Variants in LPCAT3 observed in about 807,000 individuals in gnomAD.
LPCAT3 encodes lysophospholipid acyltransferase 5.
A neutral mutation model predicts 63.4 loss-of-function variants in LPCAT3; 21 were observed. The observed-to-expected ratio is 0.33, with a 90% CI of 0.23 to 0.48. LPCAT3 has a LOEUF of 0.48. LPCAT3 is among the 20% of genes least tolerant of loss of function. The pLI is 0.99. For synonymous variants in LPCAT3, 242 were observed against 227.5 expected, an observed-to-expected ratio of 1.06 and a Z score of -0.58; for missense variants, 451 against 590.6, an observed-to-expected ratio of 0.76 and a Z score of 2.45.
At chr12:7,007,550 A>G (rs781818935) in intron 1 of LPCAT3, among the ~76,000 whole-genome samples, 65 of 140,486 alleles carry the variant, frequency 4.6e-4, no homozygotes, top group African/African-American at 1.6e-3. Context: ...GCTGGAGTGC[A>G]ATGGTACGAT....
At chr12:6,996,508 T>C (rs143052648) in intron 1 of LPCAT3, among the ~76,000 whole-genome samples, 15 of 152,324 alleles carry the variant, frequency 9.8e-5, no homozygotes, top group Admixed American at 9.2e-4. Context: ...TCATCTACTT[T>C]AGTCCCTACC....
At chr12:6,980,936 T>C in intron 6 of LPCAT3, 68 bp downstream of exon 6, 1 of 1,290,850 alleles carries the variant, frequency 7.7e-7, no homozygotes, top group Non-Finnish European at 1.1e-6. Context: ...AGAATGCAGC[T>C]TTCAGAAGAG....
rs782200377 is a variant in LPCAT3 at position 7,018,432 on chromosome 12, C to G, written c.-8G>C. 14 of 1,594,794 alleles carry G rather than the reference C, an allele frequency of 8.8e-6. No homozygotes were observed. Among genetic ancestry groups the G allele is most frequent in the Non-Finnish European group, 1.2e-5 (14 of 1,169,478 alleles). ...CTCCGCTGAGGACGCCATCTTAACTCCGGGAGCCCCACAGGGACCCCCCAG... is the reference window on the plus strand; with the variant it reads ...CTCCGCTGAGGACGCCATCTTAACTGCGGGAGCCCCACAGGGACCCCCCAG... On this transcript the variant is annotated 5_prime_UTR_variant, in exon 1 of 13. Coordinates refer to ENST00000261407, the MANE Select transcript of LPCAT3 (RefSeq NM_005768.6). The surrounding 1 kb of genome is among the most constrained non-coding windows in gnomAD (Gnocchi z 4.9).
In LPCAT3 at chr12:7,018,194, G is replaced by A; in HGVS notation, c.151+80C>T. ...CAGCCCTCCCGGGTGGCTCCGGGAA[G>A]AGAGGGAGGTCCTGTCCCCATTCCT... On this transcript the variant is annotated intron_variant, in intron 1 of 12. Transcript: ENST00000261407. The surrounding 1 kb of genome is among the most constrained non-coding windows in gnomAD (Gnocchi z 4.9). 1.3e-6 allele frequency: 2 copies of A among 1,521,616 alleles called. No homozygotes were observed. Among genetic ancestry groups the A allele is most frequent in the Non-Finnish European group, 8.9e-7 (1 of 1,121,842 alleles). 94.3% of individuals were successfully genotyped at this position (1,521,616 alleles called of 1,614,324 possible).
Position 6,977,388 on chromosome 12 carries a change from G to A in LPCAT3, c.1326C>T (p.Phe442=), listed in dbSNP as rs781908140. 6.2e-7 allele frequency: 1 copy of A among 1,614,238 alleles called. No individual in the cohort carries two copies. Among genetic ancestry groups the A allele is most frequent in the Admixed American group, 1.7e-5 (1 of 60,028 alleles). ...MGYSMTAFCL[F]TWDKWLKVYK... is the part of the protein sequence containing the mutation. ...TTGCCTTAAGCCATTTGTCCCACGT[G>A]AAGAGGCAGAAGGCAGTCATGGAGT... Residue 442 remains phenylalanine, a synonymous_variant, in exon 11 of 13, where the codon TTC becomes TTT. Transcript: ENST00000261407. This position sits in a 1 kb window ranked among gnomAD's most constrained non-coding sequence, Gnocchi z 4.5.
intron 1 of LPCAT3, among the ~76,000 whole-genome samples, chr12:6,984,421 C>G (rs1377825791): frequency 2.0e-5 from 3 of 152,198 alleles, no homozygotes; most frequent in African/African-American, 2.4e-5. Flanking sequence ...CTTCAGTGTT[C>G]TATCTAGAGG....
chr12:6,993,909 G>A (rs1012383636), intron 1 of LPCAT3, among the ~76,000 whole-genome samples: 2 of 152,152 alleles, frequency 1.3e-5, no homozygotes, highest in African/African-American at 4.8e-5. Flanking sequence ...ACTACGCCCA[G>A]CCTGGATACT....
At chr12:7,008,054 T>G (rs1383381930) in intron 1 of LPCAT3, among the ~76,000 whole-genome samples, 1 of 152,150 alleles carries the variant, frequency 6.6e-6, no homozygotes, top group East Asian at 1.9e-4. Context: ...TCTAGCTCAC[T>G]ATCTTCAAAG....
At chr12:7,002,323 T>C (rs1052986187) in intron 1 of LPCAT3, among the ~76,000 whole-genome samples, 15 of 152,236 alleles carry the variant, frequency 9.9e-5, no homozygotes, top group Non-Finnish European at 1.2e-4. Context: ...AACCTGTCTC[T>C]TCCCACTTCA....
intron 1 of LPCAT3, among the ~76,000 whole-genome samples, chr12:7,013,432 C>T (rs1755785692): frequency 6.6e-6 from 1 of 152,126 alleles, no homozygotes; most frequent in African/African-American, 2.4e-5. Flanking sequence ...GGGGCAAGAA[C>T]AGAATTAGAG....
At chr12:6,998,495 A>G (rs1946657362) in intron 1 of LPCAT3, among the ~76,000 whole-genome samples, 1 of 152,256 alleles carries the variant, frequency 6.6e-6, no homozygotes, top group African/African-American at 2.4e-5. Flanking sequence ...TAGAGAACTT[A>G]CAGAGAAAAG....
Position 7,004,943 on chromosome 12 carries a change from T to G in LPCAT3, c.151+13331A>C, listed in dbSNP as rs112126404. ...TTTTTCTTTGATCATGCATAGTCCT[T>G]CTTTCTTCATTTTTTTAAGTGTACA... is the stretch of plus-strand genomic sequence containing the variant. On this transcript the variant is annotated intron_variant, in intron 1 of 12. Coordinates refer to ENST00000261407, the MANE Select transcript of LPCAT3 (RefSeq NM_005768.6). Among the ~76,000 whole-genome samples the G allele has an allele frequency of 2.3e-3, 355 of 152,278 alleles. 3 individuals are homozygous for G. The highest frequency in any genetic ancestry group is 8.0e-3 in the African/African-American group (333 of 41,536).
Position 7,017,215 on chromosome 12 carries a change from C to T in LPCAT3, c.151+1059G>A, listed in dbSNP as rs782686007. Among the ~76,000 whole-genome samples, 1 of 152,306 alleles carries T rather than the reference C, an allele frequency of 6.6e-6. No homozygotes were observed. Among genetic ancestry groups the T allele is most frequent in the Admixed American group, 6.5e-5 (1 of 15,296 alleles). On this transcript the variant is annotated intron_variant, in intron 1 of 12. Coordinates refer to ENST00000261407, the MANE Select transcript of LPCAT3 (RefSeq NM_005768.6). The surrounding 1 kb of genome is among the most constrained non-coding windows in gnomAD (Gnocchi z 4.1). ...CTTACAGCTTTTGCTTAATCCTTCCCACTCACCCGCTCCTAAAGTTCTATA... is the reference window on the plus strand; with the variant it reads ...CTTACAGCTTTTGCTTAATCCTTCCTACTCACCCGCTCCTAAAGTTCTATA...
In LPCAT3 at chr12:7,018,140, T is replaced by C; in HGVS notation, c.151+134A>G. On this transcript the variant is annotated intron_variant, in intron 1 of 12. Coordinates refer to ENST00000261407, the MANE Select transcript of LPCAT3 (RefSeq NM_005768.6). This position sits in a 1 kb window ranked among gnomAD's most constrained non-coding sequence, Gnocchi z 4.9. ...TGTCTTCCCTCAGTAGCTGTTGGTG[T>C]GCTTCAGGATTCACACCCGCACCCG... The C allele has an allele frequency of 1.0e-6, 1 of 956,302 alleles. No homozygotes were observed. The highest frequency in any genetic ancestry group is 2.6e-5 in the East Asian group (1 of 38,012). The allele number at this position is 956,302 out of a possible 1,614,324, so 59.2% of individuals were successfully genotyped here.
chr12:7,008,255 A>C (rs942806609), intron 1 of LPCAT3, among the ~76,000 whole-genome samples: 1 of 152,152 alleles, frequency 6.6e-6, no homozygotes. Context: ...GATAAGCTTT[A>C]AAGGTCTCTA....
chr12:6,985,074 T>C (rs1375100708), intron 1 of LPCAT3, among the ~76,000 whole-genome samples: 2 of 139,676 alleles, frequency 1.4e-5, no homozygotes, highest in Non-Finnish European at 3.0e-5. Context: ...TTCTAGTCAT[T>C]TTTCCCCCAT....
rs1481995204 is a variant in LPCAT3 at position 6,977,752 on chromosome 12, A to G, written c.1041-7T>C. The G allele has an allele frequency of 1.9e-6, 3 of 1,613,666 alleles. No homozygotes were observed. The highest frequency in any genetic ancestry group is 2.5e-6 in the Non-Finnish European group (3 of 1,179,924). On this transcript the variant is annotated splice_polypyrimidine_tract_variant and splice_region_variant and intron_variant, in intron 9 of 12. Transcript: ENST00000261407. This position sits in a 1 kb window ranked among gnomAD's most constrained non-coding sequence, Gnocchi z 4.5. ...GAGTCGTTTGAAGATGTAGCTGGAG[A>G]AAAGGGTGGGTGGGGCGACCCTCAA...
At chr12:6,992,670 A>G (rs1946600112) in intron 1 of LPCAT3, among the ~76,000 whole-genome samples, 1 of 152,180 alleles carries the variant, frequency 6.6e-6, no homozygotes, top group Non-Finnish European at 1.5e-5. Flanking sequence ...CTAATACCCA[A>G]ATCCACTAGT....
intron 1 of LPCAT3, among the ~76,000 whole-genome samples, chr12:7,009,354 C>A (rs1555157067): frequency 6.6e-6 from 1 of 152,216 alleles, no homozygotes. Context: ...AGCCACCGCG[C>A]CTGGCCAATG....
Sources: allele counts gnomAD v4.1 joint callset (sites outside exome capture counted in the v4.1 genomes callset), GRCh38; gene constraint gnomAD v4.1.1; non-coding constraint Gnocchi (gnomAD v3.1); transcripts MANE v1.5; gene names NCBI Gene and HGNC (gene_info 2026-07-23, HGNC 2026-07-21).